Variants in DDX10 observed in about 807,000 individuals in gnomAD.
The protein encoded by DDX10 is probable ATP-dependent RNA helicase DDX10.
A neutral mutation model predicts 104.3 loss-of-function variants in DDX10; 74 were observed. The ratio of observed to expected loss-of-function variants is 0.71; its 90% CI spans 0.59 to 0.86. The LOEUF is 0.86. Ranked by LOEUF, DDX10 falls within the 40% of genes least tolerant of loss-of-function variation. DDX10 has a pLI of 0.00. For missense variants in DDX10, 952 were observed against 1,040.0 expected, an observed-to-expected ratio of 0.92 and a Z score of 1.16; for synonymous variants, 351 against 353.4, an observed-to-expected ratio of 0.99 and a Z score of 0.08.
At chr11:108,867,896 T>C (rs1863027770) in intron 16 of DDX10, among the ~76,000 whole-genome samples, 1 of 152,182 alleles carries the variant, frequency 6.6e-6, no homozygotes, top group African/African-American at 2.4e-5. Context: ...CTGATAGTTA[T>C]AATGCTTTTC....
At chr11:108,763,991 G>A (rs576059639) in intron 13 of DDX10, among the ~76,000 whole-genome samples, 15 of 152,128 alleles carry the variant, frequency 9.9e-5, no homozygotes, top group South Asian at 2.1e-4. Flanking sequence ...TATTGGCCAA[G>A]TGAATAAAAT....
intron 6 of DDX10, among the ~76,000 whole-genome samples, chr11:108,681,466 T>C (rs1013518087): frequency 2.6e-5 from 4 of 152,194 alleles, no homozygotes; most frequent in African/African-American, 9.6e-5. Context: ...CAGATGCTCT[T>C]AGGAATTTCA....
At chr11:108,742,216 C>T (rs935777996) in intron 13 of DDX10, among the ~76,000 whole-genome samples, 2 of 150,586 alleles carry the variant, frequency 1.3e-5, no homozygotes, top group East Asian at 1.9e-4. Context: ...GCAGAGATGG[C>T]GCCACTGTAC....
intron 13 of DDX10, among the ~76,000 whole-genome samples, chr11:108,770,227 A>G (rs2134525424): frequency 6.6e-6 from 1 of 152,304 alleles, no homozygotes; most frequent in East Asian, 1.9e-4. Context: ...TGTAATGTGA[A>G]TTTAACACAT....
chr11:108,814,061 G>A (rs1221448651), intron 13 of DDX10, among the ~76,000 whole-genome samples: 1 of 152,076 alleles, frequency 6.6e-6, no homozygotes, highest in Non-Finnish European at 1.5e-5. Flanking sequence ...CACTGTAAGG[G>A]TTTATTTTAT....
chr11:108,796,506 T>C (rs547003501), intron 13 of DDX10, among the ~76,000 whole-genome samples: 4 of 152,210 alleles, frequency 2.6e-5, no homozygotes, highest in Non-Finnish European at 5.9e-5. Context: ...ACAAATAGAA[T>C]TCGATAGCTA....
At position 108,689,196 on chromosome 11, in the gene DDX10, T is replaced by TG. The variant is rs1352843596; in HGVS notation, c.975+135dup. On this transcript the variant is annotated intron_variant, in intron 7 of 17. Transcript: ENST00000322536. ...GGTGAGGGATCTTTCGTGTCCTTGT[T>TG]GCAAAGGAATCCGTGGCTGAGACTT... 16 of 875,206 alleles carry TG rather than the reference T, an allele frequency of 1.8e-5. No individual in the cohort carries two copies. In the African/African-American group the frequency reaches 2.7e-4, roughly 15 times the overall value. 54.2% of individuals were successfully genotyped at this position (875,206 alleles called of 1,614,324 possible). A position where few individuals can be genotyped will look rare whatever the true frequency, so the allele number is the denominator to read the frequency against.
At chr11:108,775,316 A>G (rs2094368509) in intron 13 of DDX10, among the ~76,000 whole-genome samples, 1 of 152,224 alleles carries the variant, frequency 6.6e-6, no homozygotes, top group East Asian at 1.9e-4. Context: ...TGACAGAAAG[A>G]TCTATGAAGA....
intron 9 of DDX10, among the ~76,000 whole-genome samples, chr11:108,702,258 A>G (rs2094269406): frequency 6.6e-6 from 1 of 151,754 alleles, no homozygotes; most frequent in African/African-American, 2.4e-5. Context: ...TCTAGACAAT[A>G]ATGACAAAAC....
At chr11:108,802,797 G>A (rs1372718114) in intron 13 of DDX10, among the ~76,000 whole-genome samples, 5 of 152,152 alleles carry the variant, frequency 3.3e-5, no homozygotes, top group African/African-American at 1.2e-4. Flanking sequence ...ATGTCCTAAT[G>A]CATGATATCT....
chr11:108,851,814 T>TTC (rs1242612911), intron 15 of DDX10, among the ~76,000 whole-genome samples: 1 of 152,182 alleles, frequency 6.6e-6, no homozygotes, highest in Non-Finnish European at 1.5e-5. Context: ...TTGAACTTGT[T>TTC]TCTAGAAATT....
intron 12 of DDX10, 136 bp downstream of exon 12, chr11:108,720,021 A>G (rs1173354649): frequency 1.1e-5 from 7 of 651,340 alleles, no homozygotes; most frequent in South Asian, 1.8e-5. Flanking sequence ...ACCCACCTCA[A>G]CTTCCTGAAG....
At chr11:108,788,812 T>C (rs1435414130) in intron 13 of DDX10, among the ~76,000 whole-genome samples, 1 of 152,214 alleles carries the variant, frequency 6.6e-6, no homozygotes, top group African/African-American at 2.4e-5. Flanking sequence ...TTTTGTACTT[T>C]GGTTCTTTTG....
chr11:108,847,701 G>A (rs1195998286), intron 15 of DDX10, among the ~76,000 whole-genome samples: 1 of 152,194 alleles, frequency 6.6e-6, no homozygotes, highest in East Asian at 1.9e-4. Flanking sequence ...GAGGGAAACT[G>A]TAATCAGGCA....
intron 13 of DDX10, among the ~76,000 whole-genome samples, chr11:108,736,324 G>A (rs1021115529): frequency 1.3e-5 from 2 of 151,980 alleles, no homozygotes; most frequent in Non-Finnish European, 2.9e-5. Context: ...GTGTGAGTGT[G>A]TGTATTCGTA....
At chr11:108,720,516 A>G (rs1317506806) in intron 12 of DDX10, among the ~76,000 whole-genome samples, 1 of 152,102 alleles carries the variant, frequency 6.6e-6, no homozygotes, top group Non-Finnish European at 1.5e-5. Flanking sequence ...CTATGGCAAG[A>G]TGCTCCTTTT....
chr11:108,813,691 C>T (rs1286271113), intron 13 of DDX10, among the ~76,000 whole-genome samples: 1 of 152,080 alleles, frequency 6.6e-6, no homozygotes, highest in African/African-American at 2.4e-5. Context: ...AATTCTAGTA[C>T]TTTTATGGTT....
At chr11:108,843,306 G>A (rs1456258972) in intron 15 of DDX10, among the ~76,000 whole-genome samples, 1 of 151,340 alleles carries the variant, frequency 6.6e-6, no homozygotes, top group Non-Finnish European at 1.5e-5. Context: ...ACATATGTAC[G>A]TGGGTCCCTC....
chr11:108,806,304 G>A lies in DDX10; in HGVS notation c.1966-32142G>A, dbSNP rs140916497. Among the ~76,000 whole-genome samples, 874 of 152,256 alleles carry A rather than the reference G, an allele frequency of 5.7e-3. 25 individuals carry two copies. The highest frequency in any genetic ancestry group is 2.1e-3 in the Non-Finnish European group (146 of 68,030). On this transcript the variant is annotated intron_variant, in intron 13 of 17. Coordinates refer to ENST00000322536, the MANE Select transcript of DDX10 (RefSeq NM_004398.4). ...GAGCAATAAAAACAACAAAAAGTGGGATGGAAGGGGCTTTAACAGATACGT... is the reference window on the plus strand; with the variant it reads ...GAGCAATAAAAACAACAAAAAGTGGAATGGAAGGGGCTTTAACAGATACGT...
Sources: allele counts gnomAD v4.1 joint callset (sites outside exome capture counted in the v4.1 genomes callset), GRCh38; gene constraint gnomAD v4.1.1; transcripts MANE v1.5; gene names NCBI Gene and HGNC (gene_info 2026-07-23, HGNC 2026-07-21).